Variants in PXT1 observed in about 807,000 individuals in gnomAD.
PXT1 encodes the protein peroxisomal testis-specific protein 1.
In PXT1, 11 loss-of-function variants were observed where a neutral mutation model predicts 11.0. The ratio of observed to expected loss-of-function variants is 1.00; its 90% confidence interval spans 0.63 to 1.66. The LOEUF is 1.66. Among genes scored for constraint, PXT1 ranks in the 40% most tolerant of loss-of-function variants. The probability of loss-of-function intolerance (pLI) is 0.00; values close to 1 mark genes in which losing one functional copy is unlikely to be tolerated. For synonymous variants in PXT1, 43 were observed against 51.4 expected, an observed-to-expected ratio of 0.84 and a Z score of 0.70; for missense variants, 141 against 155.5, an observed-to-expected ratio of 0.91 and a Z score of 0.49.
chr6:36,439,410 G>C (rs1774822188), intron 1 of PXT1, among the ~76,000 whole-genome samples: 2 of 151,436 alleles, frequency 1.3e-5, no homozygotes. Flanking sequence ...TCAGGAGTTG[G>C]AGAAGAGCCT....
intron 3 of PXT1, among the ~76,000 whole-genome samples, chr6:36,418,976 G>A (rs1042552113): frequency 1.3e-5 from 2 of 152,158 alleles, no homozygotes; most frequent in East Asian, 1.9e-4. Flanking sequence ...TCCCTAAGTC[G>A]GTGGCTTACG....
intron 2 of PXT1, among the ~76,000 whole-genome samples, chr6:36,435,556 T>A (rs752765310): frequency 6.6e-6 from 1 of 152,098 alleles, no homozygotes; most frequent in East Asian, 1.9e-4. Flanking sequence ...AGTAAGACCC[T>A]GTCCCTAAGA....
chr6:36,392,571 G>A (rs1774084992), intron 4 of PXT1, among the ~76,000 whole-genome samples: 1 of 152,150 alleles, frequency 6.6e-6, no homozygotes, highest in African/African-American at 2.4e-5. Context: ...TGAGGTGGGA[G>A]GATCACCTGA....
intron 2 of PXT1, among the ~76,000 whole-genome samples, chr6:36,434,194 A>G (rs1371034890): frequency 6.6e-6 from 1 of 152,046 alleles, no homozygotes; most frequent in Admixed American, 6.6e-5. Context: ...AAAAGAAAAG[A>G]AACAAAGAAA....
chr6:36,413,963 C>T (rs1462597554), intron 3 of PXT1, among the ~76,000 whole-genome samples: 1 of 152,180 alleles, frequency 6.6e-6, no homozygotes, highest in African/African-American at 2.4e-5. Context: ...TACGTCACTG[C>T]ACTCAAGCCT....
rs548850364 is a variant in PXT1 at position 36,400,451 on chromosome 6, C to T, written c.300+3G>A. ...GCCCTGGCTGGGGAAACTGAAGCCT[C>T]ACCTCTCGAACCATCCTATGATCAA... On this transcript the variant is annotated splice_donor_region_variant and intron_variant, in intron 4 of 4. Coordinates refer to ENST00000454782, the MANE Select transcript of PXT1 (RefSeq NM_152990.4). The T allele has an allele frequency of 4.0e-5, 64 of 1,613,230 alleles. No homozygotes were observed. The highest frequency in any genetic ancestry group is 8.8e-5 in the South Asian group (8 of 90,982).
chr6:36,439,692 G>T (rs951546771), intron 1 of PXT1, among the ~76,000 whole-genome samples: 1 of 145,380 alleles, frequency 6.9e-6, no homozygotes, highest in African/African-American at 2.5e-5. Context: ...TTAGGTTCAA[G>T]AATGAGACTT....
Position 36,426,399 on chromosome 6 carries a change from T to C in PXT1, c.-9-308A>G, listed in dbSNP as rs1347342924. ...TTTTTTTTTTTTTTGAGACGAAGTT[T>C]TGCTCTTGTTGCCCAGGCTGGAGTG... On this transcript the variant is annotated intron_variant, in intron 2 of 4. Coordinates refer to ENST00000454782, the MANE Select transcript of PXT1 (RefSeq NM_152990.4). 3.9e-5 allele frequency among the ~76,000 whole-genome samples: 5 copies of C among 128,254 alleles called. 1 individual carries two copies. The highest frequency in any genetic ancestry group is 1.3e-4 in the African/African-American group (4 of 31,726). The allele number at this position is 128,254 out of a possible 152,430, so 84.1% of individuals were successfully genotyped here.
rs191065420 is a variant in PXT1 at position 36,429,832 on chromosome 6, C to T, written c.-9-3741G>A. On this transcript the variant is annotated intron_variant, in intron 2 of 4. Transcript: ENST00000454782. ...GTCTTATTATTTTGATATATATTTA[C>T]GAAAGTTTTTACTTAATAAAATAAT... 1.8e-4 allele frequency among the ~76,000 whole-genome samples: 25 copies of T among 141,760 alleles called. No homozygotes were observed. The East Asian group carries it at 3.5e-3, about 20-fold the overall frequency. The allele number at this position is 141,760 out of a possible 152,430, so 93.0% of individuals were successfully genotyped here. A position where few individuals can be genotyped will look rare whatever the true frequency, so the allele number is the denominator to read the frequency against.
At chr6:36,439,614 AAAC>A (rs939904030) in intron 1 of PXT1, among the ~76,000 whole-genome samples, 22 of 147,846 alleles carry the variant, frequency 1.5e-4, no homozygotes, top group African/African-American at 3.8e-4. Context: ...CTCCATCTCA[AAAC>A]AACAACAACA....
At chr6:36,419,479 GGAA>G (rs1774494010) in intron 3 of PXT1, among the ~76,000 whole-genome samples, 1 of 152,136 alleles carries the variant, frequency 6.6e-6, no homozygotes, top group Admixed American at 6.6e-5. Flanking sequence ...GGGCAGAGGA[GGAA>G]GGAGACAGGA....
intron 2 of PXT1, among the ~76,000 whole-genome samples, chr6:36,427,142 AC>A (rs1259733624): frequency 6.6e-6 from 1 of 151,500 alleles, no homozygotes; most frequent in East Asian, 1.9e-4. Flanking sequence ...AGCTGGGACT[AC>A]AGGTGCGTGC....
At chr6:36,411,361 G>T (rs982586315) in intron 3 of PXT1, among the ~76,000 whole-genome samples, 1 of 152,188 alleles carries the variant, frequency 6.6e-6, no homozygotes, top group Non-Finnish European at 1.5e-5. Context: ...TGAGGCAGGA[G>T]AATCGCTTGA....
At chr6:36,409,893 G>GAAAA (rs2127412908) in intron 3 of PXT1, among the ~76,000 whole-genome samples, 1 of 132,506 alleles carries the variant, frequency 7.5e-6, no homozygotes, top group South Asian at 2.4e-4. Context: ...AAGGAAGGAA[G>GAAAA]GAAAGAAGGA....
At chr6:36,426,948 C>A (rs1447872531) in intron 2 of PXT1, among the ~76,000 whole-genome samples, 1 of 152,024 alleles carries the variant, frequency 6.6e-6, no homozygotes, top group Admixed American at 6.6e-5. Flanking sequence ...CCCCCTTTCC[C>A]TTTTCCCCTC....
rs1582257659 is a variant in PXT1, at chr6:36,411,912, C to G, written c.170-11328G>C. 2.6e-5 allele frequency among the ~76,000 whole-genome samples: 4 copies of G among 152,202 alleles called. No homozygotes were observed. The South Asian group carries it at 8.3e-4, about 32-fold the overall frequency. On this transcript the variant is annotated intron_variant, in intron 3 of 4. Transcript: ENST00000454782. ...GCACTGAGCCAAGATCTTGCCACTG[C>G]TCTCCAGCCTGGGTAATAGAGTAAG...
At chr6:36,413,496 A>G (rs1774405120) in intron 3 of PXT1, among the ~76,000 whole-genome samples, 1 of 152,180 alleles carries the variant, frequency 6.6e-6, no homozygotes, top group African/African-American at 2.4e-5. Context: ...CCCTTTGAAC[A>G]TACTGAAATT....
intron 4 of PXT1, among the ~76,000 whole-genome samples, chr6:36,394,351 C>G (rs1278131896): frequency 2.6e-5 from 4 of 152,120 alleles, no homozygotes; most frequent in Non-Finnish European, 5.9e-5. Context: ...CAAACAGTAC[C>G]TGGAAAAAAT....
chr6:36,425,800 C>CAAAAACAAACAAACAAAA lies in PXT1; in HGVS notation c.169+113_169+114insTTTTGTTTGTTTGTTTTT, dbSNP rs1433662209. The CAAAAACAAACAAACAAAA allele has an allele frequency of 5.5e-3, 1,197 of 216,636 alleles. 24 individuals are homozygous for CAAAAACAAACAAACAAAA. The highest frequency in any genetic ancestry group is 0.037 in the African/African-American group (1,113 of 29,734). 13.4% of individuals were successfully genotyped at this position (216,636 alleles called of 1,614,324 possible). On this transcript the variant is annotated intron_variant, in intron 3 of 4. Coordinates refer to ENST00000454782, the MANE Select transcript of PXT1 (RefSeq NM_152990.4). ...GAGACTCTGTCTCAAAAAACAAAAA[C>CAAAAACAAACAAACAAAA]AAAAAATATATATATATATATATAT...
Sources: gnomAD v4.1 joint callset for allele counts (sites outside exome capture counted in the v4.1 genomes callset) on GRCh38, gnomAD v4.1.1 for gene constraint, MANE v1.5 for transcripts, NCBI Gene and HGNC (gene_info 2026-07-23, HGNC 2026-07-21) for gene names.